MACIR: variants seen among roughly 807,000 people sequenced by gnomAD.
MACIR encodes macrophage immunometabolism regulator.
In MACIR, 4 loss-of-function variants were observed where a neutral mutation model predicts 14.3. That is an observed-to-expected ratio of 0.28 (90% CI 0.14 to 0.64). MACIR has a LOEUF of 0.64. MACIR is among the 30% of genes least tolerant of loss of function. The probability of loss-of-function intolerance (pLI) is 0.83; values close to 1 mark genes in which losing one functional copy is unlikely to be tolerated. For synonymous variants in MACIR, 101 were observed against 102.4 expected, an observed-to-expected ratio of 0.99 and a Z score of 0.08; for missense variants, 228 against 257.6, an observed-to-expected ratio of 0.89 and a Z score of 0.79.
chr5:103,263,775 T>A (rs972222839), intron 1 of MACIR, among the ~76,000 whole-genome samples: 1 of 152,134 alleles, frequency 6.6e-6, no homozygotes, highest in Non-Finnish European at 1.5e-5. Context: ...CTATCCCACT[T>A]TGTGATAGAT....
chr5:103,272,489 T>A (rs1202548987), intron 2 of MACIR, among the ~76,000 whole-genome samples: 2 of 152,176 alleles, frequency 1.3e-5, no homozygotes, highest in Admixed American at 1.3e-4. Flanking sequence ...TCTGTAACTG[T>A]TCTCAGGATC....
At chr5:103,271,722 T>G (rs1222105349) in intron 2 of MACIR, among the ~76,000 whole-genome samples, 2 of 152,172 alleles carry the variant, frequency 1.3e-5, no homozygotes, top group East Asian at 3.8e-4. Flanking sequence ...TCCTGGTACT[T>G]TTTAAGAAGC....
chr5:103,262,142 T>C (rs1448155485), intron 1 of MACIR, among the ~76,000 whole-genome samples: 2 of 152,162 alleles, frequency 1.3e-5, no homozygotes, highest in East Asian at 1.9e-4. Context: ...TTTACTGTTA[T>C]TAGAAGGATT....
intron 2 of MACIR, among the ~76,000 whole-genome samples, chr5:103,272,980 C>G (rs35800): frequency 0.33 from 50,753 of 151,956 alleles, 8,637 homozygotes; most frequent in African/African-American, 0.41. Context: ...AAGTTCAGCA[C>G]ATAGCAGCTA....
intron 1 of MACIR, among the ~76,000 whole-genome samples, chr5:103,261,637 T>TTTTTCTTTC (rs1804688434): frequency 2.0e-5 from 3 of 146,532 alleles, no homozygotes; most frequent in African/African-American, 7.6e-5. Context: ...CCTGTTTTTC[T>TTTTTCTTTC]TTTTCTTTCT....
At chr5:103,258,515 C>G (rs1173888373), upstream of MACIR, among the ~76,000 whole-genome samples, 1 of 152,024 alleles carries the variant, frequency 6.6e-6, no homozygotes, top group African/African-American at 2.4e-5. Flanking sequence ...TCCCCACCAC[C>G]AGTCAACAAC....
At chr5:103,265,560 A>G (rs782027916) in intron 1 of MACIR, among the ~76,000 whole-genome samples, 34 of 152,128 alleles carry the variant, frequency 2.2e-4, no homozygotes, top group Non-Finnish European at 3.7e-4. Flanking sequence ...TTTTCCATAG[A>G]GTACTGTGAA....
intron 2 of MACIR, among the ~76,000 whole-genome samples, chr5:103,271,225 T>G (rs1264240427): frequency 1.3e-5 from 2 of 152,150 alleles, no homozygotes; most frequent in East Asian, 3.8e-4. Context: ...AAGAATTCTT[T>G]CTATACCATT....
Position 103,277,814 on chromosome 5 carries a change from A to G in MACIR, c.*1274A>G, listed in dbSNP as rs1396514444. The G allele has an allele frequency of 6.0e-6, 1 of 166,922 alleles. No homozygotes were observed. Among genetic ancestry groups the G allele is most frequent in the African/African-American group, 2.4e-5 (1 of 41,392 alleles). 10.3% of individuals were successfully genotyped at this position (166,922 alleles called of 1,614,324 possible). Reference sequence around the variant, plus strand: ...CCTCATTTTTGACTCTTAAAGGTGCAATTTATTACTGAATTGGGATTTCTG... The same window carrying G: ...CCTCATTTTTGACTCTTAAAGGTGCGATTTATTACTGAATTGGGATTTCTG... On this transcript the variant is annotated 3_prime_UTR_variant, in exon 3 of 3. Transcript: ENST00000319933.
rs1805385548 is a variant in MACIR, at chr5:103,277,687, T to C, written c.*1147T>C. 1 of 167,076 alleles carries C rather than the reference T, an allele frequency of 6.0e-6. No individual in the cohort carries two copies. The allele number at this position is 167,076 out of a possible 1,614,324, so 10.3% of individuals were successfully genotyped here. A position where few individuals can be genotyped will look rare whatever the true frequency, so the allele number is the denominator to read the frequency against. On this transcript the variant is annotated 3_prime_UTR_variant, in exon 3 of 3. Coordinates refer to ENST00000319933, the MANE Select transcript of MACIR (RefSeq NM_033211.4). ...GTTTAATTTGTTGCTAAAGAAATAA[T>C]GCCCTGGGTTTAGTAACAAATACAG... is the stretch of plus-strand genomic sequence containing the variant.
At position 103,276,820 on chromosome 5, in the gene MACIR, T is replaced by C. The variant is rs149389636; in HGVS notation, c.*280T>C. 3.4e-4 allele frequency: 95 copies of C among 275,786 alleles called. 1 individual carries two copies. In the East Asian group the frequency reaches 6.0e-3, roughly 18 times the overall value. The allele number at this position is 275,786 out of a possible 1,614,324, so 17.1% of individuals were successfully genotyped here. A position where few individuals can be genotyped will look rare whatever the true frequency, so the allele number is the denominator to read the frequency against. On this transcript the variant is annotated 3_prime_UTR_variant, in exon 3 of 3. Transcript: ENST00000319933. ...CTAGGAAAAAAAGGCTTTGGTACAGTAATTTCATCTTTATGATTCTGACAC... is the reference window on the plus strand; with the variant it reads ...CTAGGAAAAAAAGGCTTTGGTACAGCAATTTCATCTTTATGATTCTGACAC...
intron 2 of MACIR, among the ~76,000 whole-genome samples, chr5:103,273,179 C>G (rs1805197045): frequency 1.3e-5 from 2 of 152,280 alleles, no homozygotes; most frequent in African/African-American, 2.4e-5. Context: ...AATGTTTTGT[C>G]TACCTCAGTA....
At chr5:103,271,089 G>A (rs1805106257) in intron 2 of MACIR, among the ~76,000 whole-genome samples, 1 of 152,082 alleles carries the variant, frequency 6.6e-6, no homozygotes, top group East Asian at 1.9e-4. Flanking sequence ...TGGGGAGTTG[G>A]AATTTTTTTT....
Position 103,276,232 on chromosome 5 carries a change from C to T in MACIR, c.313C>T (p.Arg105Cys), listed in dbSNP as rs200740082. The T allele has an allele frequency of 8.7e-6, 14 of 1,613,086 alleles. No homozygotes were observed. The highest frequency in any genetic ancestry group is 4.4e-5 in the South Asian group (4 of 90,994). Residue 105 changes from arginine to cysteine, a missense_variant, in exon 3 of 3, where the codon CGT (arginine) becomes TGT (cysteine). Arg to Cys is a radical substitution (Grantham distance 180). Transcript: ENST00000319933. ...QLDAGLARSS[R>C]LYKTRSRYYQ... is the part of the protein sequence containing the mutation. ...AGATGCAGGACTTGCCCGTTCCTCT[C>T]GTTTGTATAAAACCAGAAGTAGGTA... is the stretch of plus-strand genomic sequence containing the variant.
At chr5:103,275,706 T>C (rs1805296525) in intron 2 of MACIR, among the ~76,000 whole-genome samples, 191 bp from the exon 3 acceptor site, 2 of 152,200 alleles carry the variant, frequency 1.3e-5, no homozygotes, top group Non-Finnish European at 2.9e-5. Context: ...CTTTCAGTTC[T>C]TAAAGGCAGA....
Position 103,276,125 on chromosome 5 carries a change from A to G in MACIR, c.206A>G (p.Glu69Gly), listed in dbSNP as rs1324807056. ...NYLVGFTTGEELLKLAQKCTG... is the reference protein window; with the variant it reads ...NYLVGFTTGEGLLKLAQKCTG... ...TTGGTTGGCTTCACGACTGGCGAGG[A>G]ACTCCTGAAGTTAGCTCAGAAGTGC... The change falls in exon 3 of 3, where the codon GAA (glutamate) becomes GGA (glycine). Residue 69 changes from glutamate (E) to glycine (G), a missense_variant. Transcript: ENST00000319933. 6.2e-7 allele frequency: 1 copy of G among 1,613,868 alleles called. No homozygotes were observed. Among genetic ancestry groups the G allele is most frequent in the Non-Finnish European group, 8.5e-7 (1 of 1,179,994 alleles).
chr5:103,270,950 A>C (rs527386174), intron 2 of MACIR, among the ~76,000 whole-genome samples: 1 of 152,230 alleles, frequency 6.6e-6, no homozygotes, highest in South Asian at 2.1e-4. Context: ...TGTTTGATAA[A>C]CTAATTCAGT....
chr5:103,259,602 T>G (rs566934111), intron 1 of MACIR: 1 of 152,352 alleles, frequency 6.6e-6, no homozygotes, highest in Non-Finnish European at 1.5e-5. Context: ...ACCCTCCTCG[T>G]CCTGGTTGCA....
At chr5:103,273,465 T>G (rs1347955463) in intron 2 of MACIR, among the ~76,000 whole-genome samples, 1 of 152,220 alleles carries the variant, frequency 6.6e-6, no homozygotes, top group East Asian at 1.9e-4. Flanking sequence ...GTCTTCACAT[T>G]TCTAATTTTG....
Sources: gnomAD v4.1 joint callset for allele counts (sites outside exome capture counted in the v4.1 genomes callset) on GRCh38, gnomAD v4.1.1 for gene constraint, MANE v1.5 for transcripts, NCBI Gene and HGNC (gene_info 2026-07-23, HGNC 2026-07-21) for gene names.